IL1RAPL1: variants seen among roughly 807,000 people sequenced by gnomAD.
The protein encoded by IL1RAPL1 is interleukin-1 receptor accessory protein-like 1.
In IL1RAPL1, 3 loss-of-function variants were observed where a neutral mutation model predicts 48.4. That is an observed-to-expected ratio of 0.06 (90% confidence interval 0.03 to 0.16). The LOEUF (loss-of-function observed/expected upper bound fraction) is 0.16. Ranked by LOEUF, IL1RAPL1 falls within the 10% of genes least tolerant of loss-of-function variation. The pLI is 1.00. For synonymous variants in IL1RAPL1, 185 were observed against 187.7 expected, an observed-to-expected ratio of 0.99 and a Z score of 0.12; for missense variants, 349 against 530.6, an observed-to-expected ratio of 0.66 and a Z score of 3.36.
intron 6 of IL1RAPL1, among the ~76,000 whole-genome samples, chrX:29,834,116 AG>A (rs1160936655): frequency 1.8e-5 from 2 of 112,517 alleles, no homozygotes; most frequent in African/African-American, 6.5e-5. Context: ...ACTTCTTAAA[AG>A]TTCCTCTGAG....
At chrX:29,050,663 C>A (rs1476460895) in intron 2 of IL1RAPL1, among the ~76,000 whole-genome samples, 2 of 112,004 alleles carry the variant, frequency 1.8e-5, no homozygotes, top group African/African-American at 6.5e-5. Context: ...AACTGTTTGC[C>A]ATTATTTTTC....
At chrX:29,362,383 T>C (rs749713101) in intron 3 of IL1RAPL1, among the ~76,000 whole-genome samples, 9 of 112,169 alleles carry the variant, frequency 8.0e-5, no homozygotes, top group Non-Finnish European at 1.7e-4. Context: ...AACACCTTCA[T>C]AGTTACTGTA....
In IL1RAPL1 at chrX:29,920,001, G is replaced by A; in HGVS notation, c.964G>A (p.Asp322Asn). The A allele has an allele frequency of 8.3e-7, 1 of 1,209,566 alleles. No homozygotes were observed. ...EQEVSISLIV[D>N]SVEEGDLGNY... ...GGAAGTTTCCATCTCATTAATTGTG[G>A]ACTCTGTGGAAGAAGGTGACTTGGG... Residue 322 changes from aspartate to asparagine, a missense_variant, in exon 8 of 11, where the codon GAC (aspartate) becomes AAC (asparagine). Around this residue, in one of 3 missense-constraint regions of IL1RAPL1, gnomAD observed 238 missense variants for 337.8 expected, o/e 0.70. Transcript: ENST00000378993.
intron 2 of IL1RAPL1, among the ~76,000 whole-genome samples, chrX:28,981,052 C>T (rs1925319630): frequency 1.2e-5 from 1 of 81,620 alleles, no homozygotes; most frequent in African/African-American, 5.0e-5. Context: ...GGTTGTGCCA[C>T]TGCACTCCAG....
At chrX:29,013,502 T>C (rs899015087) in intron 2 of IL1RAPL1, among the ~76,000 whole-genome samples, 2 of 112,202 alleles carry the variant, frequency 1.8e-5, no homozygotes, top group Non-Finnish European at 3.8e-5. Flanking sequence ...AAAGAAAATA[T>C]GGTACATATA....
At chrX:29,387,250 A>G (rs1933789804) in intron 3 of IL1RAPL1, among the ~76,000 whole-genome samples, 1 of 111,962 alleles carries the variant, frequency 8.9e-6, no homozygotes, top group African/African-American at 3.2e-5. Context: ...TTGCGTTTTC[A>G]TTTTCTCTAG....
In IL1RAPL1 at chrX:29,917,600, AT is replaced by A. The variant is rs758709777; in HGVS notation, c.911+12del. The A allele has an allele frequency of 1.3e-5, 15 of 1,196,241 alleles. No homozygotes were observed. In the African/African-American group the frequency reaches 2.1e-4, roughly 17 times the overall value. ...GAGTTTGGGAAAGTGACATTAGGTA[AT>A]TTTTTTTCCTTTTAACCTGTATAGT... On this transcript the variant is annotated splice_donor_5th_base_variant and intron_variant, in intron 7 of 10. Coordinates refer to ENST00000378993, the MANE Select transcript of IL1RAPL1 (RefSeq NM_014271.4).
chrX:29,682,822 G>T (rs1926498389), intron 6 of IL1RAPL1, among the ~76,000 whole-genome samples: 1 of 112,007 alleles, frequency 8.9e-6, no homozygotes, highest in Non-Finnish European at 1.9e-5. Context: ...TGTTGGTTTT[G>T]ATTTAATTGC....
chrX:29,374,211 T>C (rs1331926455), intron 3 of IL1RAPL1, among the ~76,000 whole-genome samples: 1 of 103,608 alleles, frequency 9.7e-6, no homozygotes, highest in African/African-American at 3.5e-5. Context: ...GTAAGATTGG[T>C]ACCAGTTCTT....
chrX:28,643,251 C>T (rs1934568220), intron 1 of IL1RAPL1, among the ~76,000 whole-genome samples: 1 of 111,184 alleles, frequency 9.0e-6, no homozygotes, highest in Non-Finnish European at 1.9e-5. Flanking sequence ...TTAATGCTGG[C>T]TATTAGCAGG....
chrX:29,700,387 T>C (rs2147115267), intron 6 of IL1RAPL1, among the ~76,000 whole-genome samples: 2 of 111,870 alleles, frequency 1.8e-5, no homozygotes, highest in South Asian at 7.4e-4. Context: ...ACCAAAAGTT[T>C]CTCACATTAA....
intron 5 of IL1RAPL1, among the ~76,000 whole-genome samples, chrX:29,484,852 A>C (rs1170739158): frequency 8.9e-6 from 1 of 111,923 alleles, no homozygotes; most frequent in Non-Finnish European, 1.9e-5. Flanking sequence ...ATGGAATAAA[A>C]GAAGAGAGAG....
At chrX:28,969,900 T>G (rs1433414137) in intron 2 of IL1RAPL1, among the ~76,000 whole-genome samples, 1 of 108,457 alleles carries the variant, frequency 9.2e-6, no homozygotes. Context: ...TATATGTTTC[T>G]AAACACACAT....
Position 29,012,777 on chromosome X carries a change from A to T in IL1RAPL1, c.82+223352A>T, listed in dbSNP as rs542936645. ...CCTGATTCAAGAGGACTGACCATTC[A>T]CAGCAGAAACAATAGTGAACACCAT... On this transcript the variant is annotated intron_variant, in intron 2 of 10. Transcript: ENST00000378993. Among the ~76,000 whole-genome samples the T allele has an allele frequency of 7.6e-4, 85 of 111,924 alleles. No individual in the cohort carries two copies. In the South Asian group the frequency reaches 0.029, roughly 38 times the overall value.
intron 2 of IL1RAPL1, among the ~76,000 whole-genome samples, chrX:28,843,794 A>G (rs767382669): frequency 3.6e-5 from 4 of 111,445 alleles, no homozygotes; most frequent in African/African-American, 1.3e-4. Flanking sequence ...TGGTGGCAAG[A>G]ACAAGGGGAT....
At chrX:28,927,357 T>C (rs953359415) in intron 2 of IL1RAPL1, among the ~76,000 whole-genome samples, 1 of 111,988 alleles carries the variant, frequency 8.9e-6, no homozygotes, top group African/African-American at 3.2e-5. Context: ...TCAATATCAA[T>C]TTTTTTGTGT....
chrX:29,088,518 A>G (rs1928005004), intron 2 of IL1RAPL1, among the ~76,000 whole-genome samples: 1 of 109,037 alleles, frequency 9.2e-6, no homozygotes, highest in Non-Finnish European at 1.9e-5. Flanking sequence ...TCTACTAAAA[A>G]TACAAAAATT....
intron 6 of IL1RAPL1, among the ~76,000 whole-genome samples, chrX:29,912,410 G>T (rs1932764572): frequency 8.9e-6 from 1 of 111,912 alleles, no homozygotes; most frequent in South Asian, 3.7e-4. Context: ...TGCTGTAATG[G>T]GTCCTGGTAA....
intron 2 of IL1RAPL1, among the ~76,000 whole-genome samples, chrX:29,045,939 T>TCCTCCTCCTCCTC (rs1926952995): frequency 2.7e-5 from 1 of 36,633 alleles, no homozygotes; most frequent in South Asian, 2.3e-3. Flanking sequence ...TCCTCCTCCT[T>TCCTCCTCCTCCTC]CTTCCTCCTC....
Sources: allele counts gnomAD v4.1 joint callset (sites outside exome capture counted in the v4.1 genomes callset), GRCh38; gene constraint gnomAD v4.1.1; regional missense constraint gnomAD v4.1.1; transcripts MANE v1.5; gene names NCBI Gene and HGNC (gene_info 2026-07-23, HGNC 2026-07-21).